The following DCC variants were observed in gnomAD, a reference collection of about 807,000 sequenced individuals.
DCC encodes the protein DCC netrin 1 receptor.
DCC carries 58 observed loss-of-function variants against 172.5 expected under a neutral mutation model. That is an observed-to-expected ratio of 0.34 (90% CI 0.27 to 0.42). The LOEUF is 0.42. Among genes scored for constraint, DCC ranks in the 10% least tolerant of loss-of-function variants. DCC has a pLI of 1.00. For synonymous variants in DCC, 709 were observed against 644.5 expected (o/e 1.10, Z -1.52); for missense variants, 1,740 against 1,791.0 (o/e 0.97, Z 0.51).
At chr18:53,429,610 T>G (rs979280131) in intron 21 of DCC, among the ~76,000 whole-genome samples, 1 of 152,108 alleles carries the variant, frequency 6.6e-6, no homozygotes, top group Admixed American at 6.6e-5. Flanking sequence ...AAGAGAAATA[T>G]GGGTAATGGC....
At chr18:53,093,701 T>A (rs947281267) in intron 7 of DCC, among the ~76,000 whole-genome samples, 1 of 152,206 alleles carries the variant, frequency 6.6e-6, no homozygotes, top group Non-Finnish European at 1.5e-5. Flanking sequence ...TGTAAATACA[T>A]CACTGTTGCC....
At chr18:52,585,841 T>A (rs1568241619) in intron 1 of DCC, among the ~76,000 whole-genome samples, 1 of 152,120 alleles carries the variant, frequency 6.6e-6, no homozygotes, top group African/African-American at 2.4e-5. Context: ...CCCAGCACTT[T>A]GGGAGGCCAA....
chr18:53,185,508 G>A (rs1471418533), intron 9 of DCC, among the ~76,000 whole-genome samples: 1 of 152,096 alleles, frequency 6.6e-6, no homozygotes, highest in Non-Finnish European at 1.5e-5. Context: ...AGTCACAATA[G>A]CCCTATTCCA....
intron 1 of DCC, among the ~76,000 whole-genome samples, chr18:52,505,628 A>G (rs2031205024): frequency 6.6e-6 from 1 of 152,222 alleles, no homozygotes; most frequent in Admixed American, 6.5e-5. Flanking sequence ...ATAATTAAAG[A>G]AAACTGGTAG....
chr18:53,384,745 T>A (rs1180131636), intron 15 of DCC, among the ~76,000 whole-genome samples: 1 of 152,120 alleles, frequency 6.6e-6, no homozygotes, highest in Non-Finnish European at 1.5e-5. Context: ...TCTTGGGTGT[T>A]TTCTTCTACT....
chr18:52,501,013 A>G (rs1049624673), intron 1 of DCC, among the ~76,000 whole-genome samples: 3 of 152,206 alleles, frequency 2.0e-5, no homozygotes, highest in Non-Finnish European at 4.4e-5. Flanking sequence ...CATTAAAATT[A>G]TAGTAGTATC....
At chr18:53,309,484 C>T (rs1161990767) in intron 13 of DCC, among the ~76,000 whole-genome samples, 1 of 152,164 alleles carries the variant, frequency 6.6e-6, no homozygotes, top group Non-Finnish European at 1.5e-5. Context: ...TGCATGAATT[C>T]TAGGGGGATA....
intron 1 of DCC, among the ~76,000 whole-genome samples, chr18:52,586,741 C>T (rs565310253): frequency 3.8e-4 from 58 of 152,268 alleles, no homozygotes; most frequent in South Asian, 1.5e-3. Flanking sequence ...ATATAGGATG[C>T]TGATTCAGAG....
intron 12 of DCC, among the ~76,000 whole-genome samples, chr18:53,249,861 T>C (rs1300730794): frequency 6.6e-6 from 1 of 151,972 alleles, no homozygotes; most frequent in East Asian, 1.9e-4. Context: ...AAGACATTTA[T>C]AAGGAAGCTA....
At chr18:53,041,508 G>A (rs116471775) in intron 5 of DCC, among the ~76,000 whole-genome samples, 4,672 of 151,980 alleles carry the variant, frequency 0.031, 208 homozygotes, top group African/African-American at 0.09. Context: ...GTTTTTTTTG[G>A]TTCCATAAGA....
At chr18:53,273,962 C>T (rs145317398) in intron 12 of DCC, among the ~76,000 whole-genome samples, 4 of 151,644 alleles carry the variant, frequency 2.6e-5, no homozygotes, top group South Asian at 2.1e-4. Flanking sequence ...GGGCCTTAGG[C>T]GAGCCTGAGG....
chr18:52,907,359 GA>G (rs2145450423), intron 3 of DCC, among the ~76,000 whole-genome samples: 1 of 143,046 alleles, frequency 7.0e-6, no homozygotes, highest in African/African-American at 2.8e-5. Flanking sequence ...ATGTATATAT[GA>G]ATGATATATA....
At chr18:52,472,097 A>T (rs558912040) in intron 1 of DCC, among the ~76,000 whole-genome samples, 28 of 152,278 alleles carry the variant, frequency 1.8e-4, no homozygotes. Context: ...TCCTAATTTC[A>T]TGCCATGCAC....
intron 13 of DCC, among the ~76,000 whole-genome samples, chr18:53,316,771 G>A (rs1199879468): frequency 6.6e-6 from 1 of 152,188 alleles, no homozygotes; most frequent in Non-Finnish European, 1.5e-5. Context: ...GTATAGGAAT[G>A]CTTGTGATTT....
At chr18:52,422,285 G>A (rs955758621) in intron 1 of DCC, among the ~76,000 whole-genome samples, 1 of 152,110 alleles carries the variant, frequency 6.6e-6, no homozygotes, top group Non-Finnish European at 1.5e-5. Context: ...GATGTTTATA[G>A]CTAAAAATAT....
chr18:52,595,356 T>C (rs1180824841), intron 1 of DCC, among the ~76,000 whole-genome samples: 1 of 152,156 alleles, frequency 6.6e-6, no homozygotes, highest in African/African-American at 2.4e-5. Flanking sequence ...GTGAAAGAAC[T>C]TTGCCTTGTC....
At chr18:53,265,140 A>T (rs1193936438) in intron 12 of DCC, among the ~76,000 whole-genome samples, 1 of 152,168 alleles carries the variant, frequency 6.6e-6, no homozygotes, top group Non-Finnish European at 1.5e-5. Flanking sequence ...GATGCAGTCT[A>T]TGGGAAATAA....
chr18:52,745,422 G>T (rs983407332), intron 1 of DCC, among the ~76,000 whole-genome samples: 1 of 152,182 alleles, frequency 6.6e-6, no homozygotes, highest in Admixed American at 6.5e-5. Context: ...AGTACAGATT[G>T]CTGGGCTCTA....
At position 53,450,597 on chromosome 18, in the gene DCC, C is replaced by A; in HGVS notation, c.3327C>A (p.Ile1109=). The part of the protein sequence containing the change: ...LVIIVVTVGV[I]TVLVVVIVAV... ...TCATTGTGGTCACCGTTGGTGTCAT[C>A]ACAGTGCTGGTAGTGGTCATCGTGG... The change falls in exon 23 of 29, where the codon ATC becomes ATA. Residue 1109 remains isoleucine, a synonymous_variant. Transcript: ENST00000442544. The A allele has an allele frequency of 6.2e-7, 1 of 1,613,786 alleles. No homozygotes were observed. Among genetic ancestry groups the A allele is most frequent in the Non-Finnish European group, 8.5e-7 (1 of 1,179,852 alleles).
Sources: allele counts gnomAD v4.1 joint callset (sites outside exome capture counted in the v4.1 genomes callset), GRCh38; gene constraint gnomAD v4.1.1; transcripts MANE v1.5; gene names NCBI Gene and HGNC (gene_info 2026-07-23, HGNC 2026-07-21).